Variants in SLC35F4 observed in about 807,000 individuals in gnomAD.
SLC35F4 encodes chromosome 14 open reading frame 36.
SLC35F4 carries 24 observed loss-of-function variants against 44.2 expected under a neutral mutation model. That is an observed-to-expected ratio of 0.54 (90% CI 0.39 to 0.76). The LOEUF (loss-of-function observed/expected upper bound fraction) is 0.76. Among genes scored for constraint, SLC35F4 ranks in the 30% least tolerant of loss-of-function variants. The pLI is 0.00. For missense variants in SLC35F4, 562 were observed against 586.1 expected (o/e 0.96, Z 0.42); for synonymous variants, 238 against 223.6 (o/e 1.06, Z -0.57).
chr14:57,701,470 A>G (rs1213706093), intron 1 of SLC35F4, among the ~76,000 whole-genome samples: 1 of 152,044 alleles, frequency 6.6e-6, no homozygotes, highest in African/African-American at 2.4e-5. Flanking sequence ...GTCATTTATT[A>G]TCATTATCAA....
intron 1 of SLC35F4, among the ~76,000 whole-genome samples, chr14:57,829,311 T>C (rs1325228859): frequency 1.3e-5 from 2 of 152,170 alleles, no homozygotes; most frequent in African/African-American, 2.4e-5. Context: ...AGAATGCCTA[T>C]AGGTCTGGGT....
intron 1 of SLC35F4, among the ~76,000 whole-genome samples, chr14:57,730,784 TAAGTCTGTCAAGG>T (rs36096794): frequency 0.9 from 136,148 of 151,920 alleles, 61,867 homozygotes; most frequent in Non-Finnish European, 0.98. Flanking sequence ...ATTTATCTCA[TAAGTCTGTCAAGG>T]AAGTCTGTCA....
chr14:57,633,325 G>T (rs993069971), intron 1 of SLC35F4, among the ~76,000 whole-genome samples: 3 of 152,006 alleles, frequency 2.0e-5, no homozygotes, highest in Non-Finnish European at 4.4e-5. Context: ...TTCCAAAGGT[G>T]CTATACCATT....
intron 1 of SLC35F4, among the ~76,000 whole-genome samples, chr14:57,857,046 C>T (rs1887173503): frequency 6.6e-6 from 1 of 151,950 alleles, no homozygotes; most frequent in African/African-American, 2.4e-5. Context: ...AAAGACGAGG[C>T]GGGTGGATCA....
chr14:57,590,393 TA>T (rs749617291), intron 2 of SLC35F4, among the ~76,000 whole-genome samples: 2 of 151,488 alleles, frequency 1.3e-5, no homozygotes, highest in Admixed American at 6.6e-5. Flanking sequence ...ACCCAGTCTC[TA>T]AAAAAAATGC....
intron 1 of SLC35F4, among the ~76,000 whole-genome samples, chr14:57,714,383 G>T (rs1468497641): frequency 1.3e-5 from 2 of 152,142 alleles, no homozygotes; most frequent in African/African-American, 4.8e-5. Flanking sequence ...CAGCTAAAAT[G>T]TGTTTTTCCA....
At chr14:57,721,535 T>C (rs1460761006) in intron 1 of SLC35F4, among the ~76,000 whole-genome samples, 1 of 152,140 alleles carries the variant, frequency 6.6e-6, no homozygotes, top group Non-Finnish European at 1.5e-5. Flanking sequence ...GAGAAAGAGC[T>C]GAAATTGTGG....
At chr14:57,774,111 AG>A (rs113776324) in intron 1 of SLC35F4, among the ~76,000 whole-genome samples, 6,936 of 152,150 alleles carry the variant, frequency 0.046, 267 homozygotes, top group African/African-American at 0.11. Flanking sequence ...AAACGAGGGA[AG>A]GGGACATAGG....
upstream of SLC35F4, among the ~76,000 whole-genome samples, chr14:57,867,257 T>C (rs1418708587): frequency 6.6e-6 from 1 of 152,154 alleles, no homozygotes; most frequent in Non-Finnish European, 1.5e-5. Flanking sequence ...CCACATTGTG[T>C]GTGGGCCCTT....
chr14:57,604,291 G>T (rs1174889268), intron 1 of SLC35F4: 1 of 152,102 alleles, frequency 6.6e-6, no homozygotes, highest in African/African-American at 2.4e-5. Context: ...AAAACAAAAA[G>T]AAATTTAAGA....
At chr14:57,857,105 A>G (rs7140220) in intron 1 of SLC35F4, among the ~76,000 whole-genome samples, 17,866 of 151,812 alleles carry the variant, frequency 0.12, 1,736 homozygotes, top group East Asian at 0.4. Flanking sequence ...GTGAAACCCC[A>G]TCTCTACTAA....
intron 1 of SLC35F4, among the ~76,000 whole-genome samples, chr14:57,623,278 T>C (rs1045945692): frequency 6.6e-6 from 1 of 152,194 alleles, no homozygotes; most frequent in East Asian, 1.9e-4. Context: ...TAAATATATA[T>C]GTGCCCAATA....
At chr14:57,759,202 A>G (rs2077065092) in intron 1 of SLC35F4, among the ~76,000 whole-genome samples, 1 of 152,184 alleles carries the variant, frequency 6.6e-6, no homozygotes, top group African/African-American at 2.4e-5. Context: ...GGGAGTACAG[A>G]TAATTCTTTG....
At chr14:57,661,031 T>C (rs189345978) in intron 1 of SLC35F4, among the ~76,000 whole-genome samples, 18 of 152,326 alleles carry the variant, frequency 1.2e-4, no homozygotes, top group Middle Eastern at 3.4e-3. Flanking sequence ...TTCGGCACTG[T>C]AGGTGAACTT....
chr14:57,600,713 A>AAC (rs1555358618), intron 1 of SLC35F4, among the ~76,000 whole-genome samples: 2,480 of 122,252 alleles, frequency 0.02, 211 homozygotes, highest in African/African-American at 0.057. Flanking sequence ...AAAAAAAAAA[A>AAC]AAAAAACCAA....
downstream of SLC35F4, among the ~76,000 whole-genome samples, chr14:57,974,452 T>A (rs536031416): frequency 6.6e-6 from 1 of 152,292 alleles, no homozygotes; most frequent in East Asian, 1.9e-4. Context: ...CATCTCTCAA[T>A]AGGAAGAACA....
At chr14:57,600,882 T>C (rs1227962142) in intron 1 of SLC35F4, among the ~76,000 whole-genome samples, 1 of 151,974 alleles carries the variant, frequency 6.6e-6, no homozygotes, top group African/African-American at 2.4e-5. Flanking sequence ...GAAACCCACA[T>C]GGAATCTGGT....
intron 1 of SLC35F4, among the ~76,000 whole-genome samples, chr14:57,765,010 A>G (rs886112432): frequency 1.3e-5 from 2 of 152,242 alleles, no homozygotes; most frequent in African/African-American, 4.8e-5. Flanking sequence ...GACACAAAAG[A>G]AATATACATT....
chr14:57,941,290 G>T (rs1217904865), intron 1 of SLC35F4, among the ~76,000 whole-genome samples: 1 of 152,098 alleles, frequency 6.6e-6, no homozygotes, highest in Non-Finnish European at 1.5e-5. Context: ...AAATCCAAAT[G>T]TCCATTAATG....
Sources: allele counts gnomAD v4.1 joint callset (sites outside exome capture counted in the v4.1 genomes callset), GRCh38; gene constraint gnomAD v4.1.1; transcripts MANE v1.5; gene names NCBI Gene and HGNC (gene_info 2026-07-23, HGNC 2026-07-21).